WDR41: variants seen among roughly 807,000 people sequenced by gnomAD.
The protein encoded by WDR41 is WD repeat domain 41.
A neutral mutation model predicts 69.3 loss-of-function variants in WDR41; 63 were observed. That is an observed-to-expected ratio of 0.91 (90% confidence interval 0.74 to 1.12). The LOEUF is 1.12. Among genes scored for constraint, WDR41 ranks in the 50% most tolerant of loss-of-function variants. The probability of loss-of-function intolerance (pLI) is 0.00; values close to 1 mark genes in which losing one functional copy is unlikely to be tolerated. For missense variants in WDR41, 543 were observed against 534.5 expected (o/e 1.02, Z -0.16); for synonymous variants, 185 against 192.1 (o/e 0.96, Z 0.31).
chr5:77,461,886 T>C (rs1031735199), intron 4 of WDR41, among the ~76,000 whole-genome samples: 2 of 151,638 alleles, frequency 1.3e-5, no homozygotes, highest in African/African-American at 4.8e-5. Flanking sequence ...ATAAAAGTAA[T>C]GAAAGACAAC....
intron 1 of WDR41, among the ~76,000 whole-genome samples, chr5:77,572,768 A>C (rs1580016479): frequency 6.6e-6 from 1 of 152,210 alleles, no homozygotes; most frequent in Admixed American, 6.5e-5. Flanking sequence ...CAATCCTTCA[A>C]GCTAGTTGTT....
chr5:77,544,286 C>T (rs1743148747), intron 1 of WDR41, among the ~76,000 whole-genome samples: 2 of 151,930 alleles, frequency 1.3e-5, no homozygotes, highest in African/African-American at 4.8e-5. Context: ...ATACAGGCAA[C>T]GAATAGCACA....
intron 2 of WDR41, among the ~76,000 whole-genome samples, chr5:77,470,190 T>TGAAG (rs1158218815): frequency 3.1e-4 from 47 of 151,620 alleles, no homozygotes; most frequent in African/African-American, 1.1e-3. Context: ...GCTTCATAAG[T>TGAAG]GAAGGAGAAA....
At chr5:77,460,212 C>T (rs59076224) in intron 4 of WDR41, among the ~76,000 whole-genome samples, 12,696 of 152,254 alleles carry the variant, frequency 0.083, 1,024 homozygotes, top group African/African-American at 0.21. Flanking sequence ...ATGCACCTCC[C>T]TTTCACACCA....
chr5:77,452,083 G>A (rs924993592), intron 6 of WDR41: 3 of 151,420 alleles, frequency 2.0e-5, no homozygotes, highest in African/African-American at 7.3e-5. Context: ...ATATGCAAGT[G>A]TAGAAAACGG....
chr5:77,485,935 A>AT (rs1232466326), intron 2 of WDR41, among the ~76,000 whole-genome samples: 1 of 152,186 alleles, frequency 6.6e-6, no homozygotes, highest in Non-Finnish European at 1.5e-5. Flanking sequence ...AACCTGGATT[A>AT]TAACAGCTGA....
chr5:77,441,106 A>T, intron 8 of WDR41, 109 bp from the exon 9 acceptor site: 1 of 1,182,762 alleles, frequency 8.5e-7, no homozygotes, highest in South Asian at 2.2e-5. Flanking sequence ...TAATTAGAAC[A>T]GTGAGGTACC....
At chr5:77,518,191 TG>T (rs1445784465) in intron 1 of WDR41, among the ~76,000 whole-genome samples, 1 of 152,168 alleles carries the variant, frequency 6.6e-6, no homozygotes, top group Admixed American at 6.5e-5. Flanking sequence ...TTTTTTTTGT[TG>T]TTGTTTAAGC....
intron 1 of WDR41, among the ~76,000 whole-genome samples, chr5:77,513,150 G>T (rs1271955194): frequency 1.3e-5 from 2 of 152,038 alleles, no homozygotes; most frequent in African/African-American, 2.4e-5. Context: ...TATGGCACAT[G>T]CACTTTTTAA....
At chr5:77,509,271 G>C (rs567166693) in intron 1 of WDR41, among the ~76,000 whole-genome samples, 4 of 152,188 alleles carry the variant, frequency 2.6e-5, no homozygotes, top group Non-Finnish European at 4.4e-5. Context: ...ATACACAGCT[G>C]TCACCCTGGG....
At chr5:77,434,017 CGAA>C (rs1561722328) in intron 12 of WDR41, among the ~76,000 whole-genome samples, 1 of 152,050 alleles carries the variant, frequency 6.6e-6, no homozygotes, top group African/African-American at 2.4e-5. Flanking sequence ...ATGAGGTCCT[CGAA>C]GGAAAGGGTG....
chr5:77,451,585 GT>G (rs1256864857), intron 6 of WDR41: 6 of 429,560 alleles, frequency 1.4e-5, no homozygotes, highest in African/African-American at 4.1e-5. Flanking sequence ...ATGGGGTTGG[GT>G]TTTTTTGTAC....
chr5:77,544,312 CCTCACAT>C (rs1743149153), intron 1 of WDR41, among the ~76,000 whole-genome samples: 1 of 152,018 alleles, frequency 6.6e-6, no homozygotes, highest in Non-Finnish European at 1.5e-5. Context: ...TGGAATGGTA[CCTCACAT>C]CTCAATACTA....
intron 5 of WDR41, among the ~76,000 whole-genome samples, chr5:77,458,346 T>C (rs936431288): frequency 6.6e-6 from 1 of 152,090 alleles, no homozygotes; most frequent in Non-Finnish European, 1.5e-5. Flanking sequence ...CAATTCTTTT[T>C]ACATTAAGAA....
intron 1 of WDR41, among the ~76,000 whole-genome samples, chr5:77,536,711 G>T (rs1742990121): frequency 6.6e-6 from 1 of 152,098 alleles, no homozygotes; most frequent in Non-Finnish European, 1.5e-5. Flanking sequence ...ATTCAGAAGA[G>T]TCACTTGCTG....
intron 1 of WDR41, among the ~76,000 whole-genome samples, chr5:77,585,885 G>C (rs1744029129): frequency 1.3e-5 from 2 of 152,014 alleles, no homozygotes; most frequent in African/African-American, 4.8e-5. Flanking sequence ...ATACTGCTTG[G>C]GTGATGAGTG....
intron 1 of WDR41, among the ~76,000 whole-genome samples, chr5:77,521,279 A>G (rs1263080496): frequency 6.6e-6 from 1 of 152,164 alleles, no homozygotes; most frequent in African/African-American, 2.4e-5. Flanking sequence ...GCAGTTCACA[A>G]TAGGGTTTGA....
At chr5:77,538,428 A>T (rs1044676254) in intron 1 of WDR41, among the ~76,000 whole-genome samples, 2 of 152,130 alleles carry the variant, frequency 1.3e-5, no homozygotes, top group Non-Finnish European at 1.5e-5. Flanking sequence ...AATGGGTAGC[A>T]TTTCATTTCA....
chr5:77,482,698 T>C (rs1330488986), intron 2 of WDR41, among the ~76,000 whole-genome samples: 1 of 152,086 alleles, frequency 6.6e-6, no homozygotes, highest in Non-Finnish European at 1.5e-5. Flanking sequence ...TGTGTATGTG[T>C]ATATGTTATG....
Sources: gnomAD v4.1 joint callset for allele counts (sites outside exome capture counted in the v4.1 genomes callset) on GRCh38, gnomAD v4.1.1 for gene constraint, MANE v1.5 for transcripts, NCBI Gene and HGNC (gene_info 2026-07-23, HGNC 2026-07-21) for gene names.